Variants in DGCR2 observed in about 807,000 individuals in gnomAD.
DGCR2 encodes the protein DiGeorge syndrome critical region gene 2.
A neutral mutation model predicts 51.6 loss-of-function variants in DGCR2; 24 were observed. That is an observed-to-expected ratio of 0.47 (90% CI 0.34 to 0.65). The LOEUF (loss-of-function observed/expected upper bound fraction) is 0.65, where lower values mean the gene tolerates loss of function less well. Ranked by LOEUF, DGCR2 falls within the 30% of genes least tolerant of loss-of-function variation. The pLI, the probability that DGCR2 is intolerant of heterozygous loss-of-function variation, is 0.01. For missense variants in DGCR2, 765 were observed against 772.1 expected (o/e 0.99, Z 0.11); for synonymous variants, 340 against 315.4 (o/e 1.08, Z -0.82).
In DGCR2 at chr22:19,063,236, G is replaced by C; in HGVS notation, c.591C>G (p.Arg197=). ...GYQYVITGRN[R]SLEGRWEVAF... The stretch of plus-strand genomic sequence containing the variant: ...CCACCTCCCAGCGACCTTCCAAGGA[G>C]CGGTTCCGGCCAGTGATAACATACT... The change falls in exon 5 of 10, where the codon CGC becomes CGG. Residue 197 remains arginine, a synonymous_variant. Transcript: ENST00000263196. 4 of 1,614,214 alleles carry C rather than the reference G, an allele frequency of 2.5e-6. No individual in the cohort carries two copies. The highest frequency in any genetic ancestry group is 3.4e-6 in the Non-Finnish European group (4 of 1,180,044).
At chr22:19,078,114 C>G (rs2082899064) in intron 2 of DGCR2, among the ~76,000 whole-genome samples, 1 of 152,190 alleles carries the variant, frequency 6.6e-6, no homozygotes, top group South Asian at 2.1e-4. Context: ...CAGGTGTGAG[C>G]TACCACACCC....
intron 7 of DGCR2, chr22:19,046,716 G>T: frequency 2.3e-6 from 1 of 428,626 alleles, no homozygotes; most frequent in Non-Finnish European, 4.8e-6. Context: ...ATGGAAGCAT[G>T]GCCACAGGGC....
At chr22:19,062,674 C>G (rs1363695069) in intron 5 of DGCR2, among the ~76,000 whole-genome samples, 2 of 151,876 alleles carry the variant, frequency 1.3e-5, no homozygotes, top group Admixed American at 6.6e-5. Context: ...CAAGTCCGAG[C>G]CCAGGGAATG....
chr22:19,066,744 T>G (rs1478633438), intron 3 of DGCR2, among the ~76,000 whole-genome samples: 1 of 152,218 alleles, frequency 6.6e-6, no homozygotes, highest in African/African-American at 2.4e-5. Context: ...TCCTGTGCAC[T>G]GACTCATCTT....
chr22:19,091,756 G>A (rs1475426745), intron 1 of DGCR2, among the ~76,000 whole-genome samples: 2 of 151,566 alleles, frequency 1.3e-5, no homozygotes, highest in Admixed American at 6.6e-5. Context: ...TTCGAGACCA[G>A]CCTGGCCAAC....
chr22:19,110,788 T>C (rs1159013731), intron 1 of DGCR2, among the ~76,000 whole-genome samples: 1 of 152,166 alleles, frequency 6.6e-6, no homozygotes, highest in Non-Finnish European at 1.5e-5. Context: ...CTGTGTGACT[T>C]TGGCTAAGTC....
At chr22:19,044,506 G>A (rs559045868) in intron 7 of DGCR2, among the ~76,000 whole-genome samples, 3 of 152,292 alleles carry the variant, frequency 2.0e-5, no homozygotes, top group South Asian at 2.1e-4. Context: ...ACCCAATGTG[G>A]GCTCTGTGCC....
chr22:19,083,801 C>T (rs1006506468), intron 2 of DGCR2, among the ~76,000 whole-genome samples: 5 of 150,068 alleles, frequency 3.3e-5, no homozygotes, highest in Admixed American at 3.3e-4. Flanking sequence ...GCCATCTCGG[C>T]TCACTGCAAC....
chr22:19,051,885 T>C (rs78549854), intron 6 of DGCR2, among the ~76,000 whole-genome samples: 2,498 of 152,272 alleles, frequency 0.016, 89 homozygotes, highest in East Asian at 0.061. Context: ...CAGGTCTACA[T>C]ACATATCTGC....
intron 1 of DGCR2, among the ~76,000 whole-genome samples, chr22:19,091,021 G>T (rs567390930): frequency 7.1e-3 from 4 of 560 alleles, no homozygotes; most frequent in Non-Finnish European, 0.018. Context: ...GAAAATAAAA[G>T]AATAAAAAAG....
At chr22:19,115,169 C>G (rs1053180354) in intron 1 of DGCR2, among the ~76,000 whole-genome samples, 2 of 152,210 alleles carry the variant, frequency 1.3e-5, no homozygotes, top group Non-Finnish European at 2.9e-5. Context: ...CTGCACTGTG[C>G]AAACAACCCA....
intron 1 of DGCR2, among the ~76,000 whole-genome samples, chr22:19,116,911 CG>C (rs557118114): frequency 5.3e-5 from 8 of 151,926 alleles, no homozygotes; most frequent in Non-Finnish European, 8.8e-5. Flanking sequence ...TGCACACAAC[CG>C]GATCACCTGC....
At chr22:19,118,696 G>A (rs1374261683) in intron 1 of DGCR2, among the ~76,000 whole-genome samples, 1 of 152,214 alleles carries the variant, frequency 6.6e-6, no homozygotes, top group Non-Finnish European at 1.5e-5. Flanking sequence ...CAGCAGGAAG[G>A]GACCAGGGTG....
chr22:19,062,775 G>GCTGTCTCTCTGTCTCTCTGT (rs2082686000), intron 5 of DGCR2, among the ~76,000 whole-genome samples: 1 of 108,860 alleles, frequency 9.2e-6, no homozygotes, highest in Non-Finnish European at 1.9e-5. Flanking sequence ...ACACATGCAT[G>GCTGTCTCTCTGTCTCTCTGT]CTCACTCTCT....
chr22:19,087,816 C>G (rs2083034760), intron 2 of DGCR2, among the ~76,000 whole-genome samples: 1 of 151,856 alleles, frequency 6.6e-6, no homozygotes, highest in African/African-American at 2.4e-5. Flanking sequence ...TCCTGAGTAG[C>G]TGGGATTATA....
rs1488424145 is a variant in DGCR2, at chr22:19,057,752, C to G, written c.626-590G>C. Among the ~76,000 whole-genome samples, 1 of 122,192 alleles carries G rather than the reference C, an allele frequency of 8.2e-6. No homozygotes were observed. Among genetic ancestry groups the G allele is most frequent in the African/African-American group, 3.4e-5 (1 of 29,256 alleles). 80.2% of individuals were successfully genotyped at this position (122,192 alleles called of 152,430 possible). The stretch of plus-strand genomic sequence containing the variant: ...AGCTCAAGGGAAACTGTCACCCACT[C>G]AGCTCCTGCCTAAGCCAGGCACAAG... On this transcript the variant is annotated intron_variant, in intron 5 of 9. Coordinates refer to ENST00000263196, the MANE Select transcript of DGCR2 (RefSeq NM_005137.3). This position sits in a 1 kb window ranked among gnomAD's most constrained non-coding sequence, Gnocchi z 5.1.
At chr22:19,071,858 CATA>C (rs1569061397) in intron 2 of DGCR2, among the ~76,000 whole-genome samples, 4 of 152,064 alleles carry the variant, frequency 2.6e-5, no homozygotes, top group African/African-American at 9.7e-5. Context: ...GGTAGAATAT[CATA>C]ATATCTGTAA....
In DGCR2 at chr22:19,039,025, G is replaced by C; in HGVS notation, c.1493C>G (p.Pro498Arg). Residue 498 changes from proline to arginine, a missense_variant, in exon 10 of 10, where the codon CCC becomes CGC. Transcript: ENST00000263196. ...ALLRRLEQPL[P>R]TAGASLADLE... The stretch of plus-strand genomic sequence containing the variant: ...GTCTGCCAGAGAGGCCCCCGCAGTG[G>C]GCAGAGGCTGCTCCAGGCGCCGGAG... The C allele has an allele frequency of 1.2e-6, 2 of 1,612,912 alleles. No individual in the cohort carries two copies. The highest frequency in any genetic ancestry group is 3.3e-5 in the Admixed American group (2 of 60,000).
intron 2 of DGCR2, among the ~76,000 whole-genome samples, chr22:19,078,149 C>T (rs1236707957): frequency 2.6e-5 from 4 of 152,136 alleles, no homozygotes; most frequent in Admixed American, 2.0e-4. Flanking sequence ...TTTCTTTTAA[C>T]ATTTTGTAGT....
Sources: gnomAD v4.1 joint callset for allele counts (sites outside exome capture counted in the v4.1 genomes callset) on GRCh38, gnomAD v4.1.1 for gene constraint, Gnocchi (gnomAD v3.1) non-coding constraint, MANE v1.5 for transcripts, NCBI Gene and HGNC (gene_info 2026-07-23, HGNC 2026-07-21) for gene names.